The following PCAT7 variants were observed in gnomAD, a reference collection of about 807,000 sequenced individuals.
PCAT7 encodes the protein prostate cancer associated transcript 7, also known as prostate cancer associated transcript 7 (non-protein coding).
In PCAT7 at chr9:94,571,525, G is replaced by A. The variant is rs142583559; in HGVS notation, n.442-1454G>A. 3.0e-4 allele frequency: 477 copies of A among 1,613,972 alleles called. 5 individuals are homozygous for A. The highest frequency in any genetic ancestry group is 5.2e-4 in the African/African-American group (39 of 75,038). ...AGAGAGCCACCAGGGTTGCACTACC[G>A]TACAGCGCATAACCTGCGGCCACAA... is the stretch of plus-strand genomic sequence containing the variant. On this transcript the variant is annotated intron_variant and non_coding_transcript_variant, in intron 2 of 8. Coordinates refer to ENST00000647389, the Ensembl canonical transcript of PCAT7.
At chr9:94,555,197 G>A (rs980413231) in exon 1 of PCAT7, 1 of 152,032 alleles carries the variant, frequency 6.6e-6, no homozygotes, top group Non-Finnish European at 1.5e-5. Flanking sequence ...CGGCTTAGAA[G>A]ACCAGGAAAA....
In PCAT7 at chr9:94,567,714, GAACC is replaced by G. The variant is rs1827212124; in HGVS notation, n.442-5264_442-5261del. On this transcript the variant is annotated intron_variant and non_coding_transcript_variant, in intron 2 of 8. Coordinates refer to ENST00000647389, the Ensembl canonical transcript of PCAT7. Reference sequence around the variant, plus strand: ...GTCAGTGAGGCTCCTCATTTATGGTGAACCCAACTGTGTGTATCTCCCAAGTTCT... The same window carrying G: ...GTCAGTGAGGCTCCTCATTTATGGTGCAACTGTGTGTATCTCCCAAGTTCT... The G allele has an allele frequency of 1.6e-5, 5 of 303,880 alleles. No homozygotes were observed. In the South Asian group the frequency reaches 3.9e-4, roughly 24 times the overall value. The allele number at this position is 303,880 out of a possible 1,614,324, so 18.8% of individuals were successfully genotyped here. A position where few individuals can be genotyped will look rare whatever the true frequency, so the allele number is the denominator to read the frequency against.
chr9:94,565,686 AT>A (rs34288791), intron 2 of PCAT7, among the ~76,000 whole-genome samples: 80,908 of 151,844 alleles, frequency 0.53, 21,839 homozygotes, highest in Admixed American at 0.64. Context: ...CCTTTGCTCT[AT>A]AAAGAAAAGC....
chr9:94,572,042 CT>C (rs2131451217), intron 2 of PCAT7, among the ~76,000 whole-genome samples: 1 of 152,272 alleles, frequency 6.6e-6, no homozygotes, highest in African/African-American at 2.4e-5. Flanking sequence ...GCAAAACCAC[CT>C]AAGATTAACA....
intron 3 of PCAT7, among the ~76,000 whole-genome samples, chr9:94,573,526 T>G (rs957058479): frequency 2.7e-5 from 4 of 148,150 alleles, no homozygotes; most frequent in African/African-American, 1.0e-4. Context: ...GTTTCTTTTT[T>G]AAATAATGAA....
chr9:94,572,085 G>A (rs761063036), intron 2 of PCAT7, among the ~76,000 whole-genome samples: 3 of 152,036 alleles, frequency 2.0e-5, no homozygotes, highest in Non-Finnish European at 2.9e-5. Flanking sequence ...TGCACAACTC[G>A]CCCAGCAGCA....
chr9:94,561,444 G>A (rs937729190), intron 2 of PCAT7, among the ~76,000 whole-genome samples: 10 of 136,138 alleles, frequency 7.3e-5, no homozygotes, highest in Non-Finnish European at 1.2e-4. Flanking sequence ...CTCACTGCAA[G>A]CTCCGCCTCC....
intron 1 of PCAT7, among the ~76,000 whole-genome samples, chr9:94,558,420 G>A (rs1035433166): frequency 5.9e-5 from 9 of 152,052 alleles, no homozygotes; most frequent in South Asian, 2.1e-4. Context: ...TCAGCCTCCC[G>A]AGTAGCTGGG....
chr9:94,573,314 A>T (rs1213796426), intron 3 of PCAT7, among the ~76,000 whole-genome samples: 2 of 152,152 alleles, frequency 1.3e-5, no homozygotes, highest in Non-Finnish European at 2.9e-5. Context: ...GGTGGAGTGC[A>T]GTGGCTTGGT....
intron 1 of PCAT7, among the ~76,000 whole-genome samples, chr9:94,557,783 T>G (rs1463180030): frequency 6.6e-6 from 1 of 152,234 alleles, no homozygotes; most frequent in Admixed American, 6.5e-5. Context: ...TGGATTTGAT[T>G]TGATTTGTCA....
chr9:94,556,472 G>A (rs759891675), intron 1 of PCAT7, among the ~76,000 whole-genome samples: 6 of 151,960 alleles, frequency 3.9e-5, no homozygotes, highest in Non-Finnish European at 5.9e-5. Flanking sequence ...GGCCAAATGC[G>A]GTCAGGAAAA....
chr9:94,572,577 G>A lies in PCAT7; in HGVS notation n.442-402G>A, dbSNP rs73531449. On this transcript the variant is annotated intron_variant and non_coding_transcript_variant, in intron 2 of 8. Coordinates refer to ENST00000647389, the Ensembl canonical transcript of PCAT7. ...AGCTCCCAACACATTTTCATTCACG[G>A]GCTTAGTGTCTGACTTCCCAGCTAG... Among the ~76,000 whole-genome samples the A allele has an allele frequency of 7.9e-3, 1,203 of 152,226 alleles. 19 individuals are homozygous for A. The highest frequency in any genetic ancestry group is 0.027 in the African/African-American group (1,124 of 41,512).
chr9:94,568,719 C>T (rs535514675), intron 2 of PCAT7: 2 of 152,268 alleles, frequency 1.3e-5, no homozygotes, highest in African/African-American at 2.4e-5. Context: ...CAAGGAGACT[C>T]AATAACAAAA....
At chr9:94,560,906 T>C (rs1193854762) in intron 2 of PCAT7, among the ~76,000 whole-genome samples, 1 of 147,830 alleles carries the variant, frequency 6.8e-6, no homozygotes, top group Non-Finnish European at 1.5e-5. Context: ...TTTTGGTCAG[T>C]GTAAGGTGCC....
At chr9:94,555,284 G>A (rs1048789278) in exon 1 of PCAT7, 12 of 152,082 alleles carry the variant, frequency 7.9e-5, no homozygotes, top group Non-Finnish European at 1.3e-4. Context: ...TGGTGGTGGC[G>A]GTGGACATTG....
chr9:94,564,731 GACAA>G lies in PCAT7; in HGVS notation n.441+5584_441+5587del, dbSNP rs907478340. Among the ~76,000 whole-genome samples, 16 of 152,126 alleles carry G rather than the reference GACAA, an allele frequency of 1.1e-4. No individual in the cohort carries two copies. The East Asian group carries it at 2.1e-3, about 20-fold the overall frequency. Reference sequence around the variant, plus strand: ...TGGATACCAGGTTTAGTACCTGGGAGACAAACAATCTATACAGCAAACCCCCATG... The same window carrying G: ...TGGATACCAGGTTTAGTACCTGGGAGACAATCTATACAGCAAACCCCCATG... On this transcript the variant is annotated intron_variant and non_coding_transcript_variant, in intron 2 of 8. Transcript: ENST00000647389.
intron 2 of PCAT7, among the ~76,000 whole-genome samples, chr9:94,572,655 A>T (rs941167285): frequency 6.6e-6 from 1 of 152,048 alleles, no homozygotes; most frequent in Non-Finnish European, 1.5e-5. Context: ...CTGTCTGTTT[A>T]CCCATCACCT....
At chr9:94,571,114 C>T (rs554164586) in intron 2 of PCAT7, among the ~76,000 whole-genome samples, 3 of 152,300 alleles carry the variant, frequency 2.0e-5, no homozygotes, top group African/African-American at 7.2e-5. Context: ...GCTGCTCTAA[C>T]GAACCCATGC....
At chr9:94,571,514 G>T (rs1827268645) in intron 2 of PCAT7, 5 of 1,614,018 alleles carry the variant, frequency 3.1e-6, no homozygotes, top group Non-Finnish European at 3.4e-6. Context: ...AGCCACCAGG[G>T]TTGCACTACC....
Sources: allele counts gnomAD v4.1 joint callset (sites outside exome capture counted in the v4.1 genomes callset), GRCh38; gene constraint gnomAD v4.1.1; transcripts MANE v1.5; gene names NCBI Gene and HGNC (gene_info 2026-07-23, HGNC 2026-07-21).